Variants in GLYATL2 observed in about 807,000 individuals in gnomAD.
The protein encoded by GLYATL2 is glycine-N-acyltransferase like 2.
In GLYATL2, 25 loss-of-function variants were observed where a neutral mutation model predicts 21.4. The ratio of observed to expected loss-of-function variants is 1.17; its 90% CI spans 0.85 to 1.63. GLYATL2 has a LOEUF of 1.63. Ranked by LOEUF, GLYATL2 falls within the 40% of genes most tolerant of loss-of-function variation. GLYATL2 has a pLI of 0.00. For synonymous variants in GLYATL2, 114 were observed against 118.2 expected (o/e 0.96, Z 0.23); for missense variants, 361 against 343.3 (o/e 1.05, Z -0.41).
chr11:58,874,548 C>T (rs1854190291), intron 1 of GLYATL2, among the ~76,000 whole-genome samples: 1 of 152,104 alleles, frequency 6.6e-6, no homozygotes, highest in East Asian at 1.9e-4. Context: ...CGTTGTGTAC[C>T]CAGTAGTCAT....
intron 1 of GLYATL2, among the ~76,000 whole-genome samples, chr11:58,883,182 C>T (rs1001767692): frequency 1.4e-4 from 22 of 152,272 alleles, no homozygotes; most frequent in Middle Eastern, 3.4e-3. Context: ...TCTTTCTATC[C>T]ATGAGCATGG....
At chr11:58,864,817 T>C (rs966552858) in intron 1 of GLYATL2, among the ~76,000 whole-genome samples, 1 of 149,260 alleles carries the variant, frequency 6.7e-6, no homozygotes, top group South Asian at 2.1e-4. Flanking sequence ...CATTCTGACA[T>C]TTTGCTGATG....
chr11:58,871,497 T>C (rs1206895349), intron 1 of GLYATL2, among the ~76,000 whole-genome samples: 1 of 144,240 alleles, frequency 6.9e-6, no homozygotes, highest in African/African-American at 2.5e-5. Flanking sequence ...TGTGTTCTCA[T>C]TGTTCAATTC....
At chr11:58,845,606 A>G (rs955900541), upstream of GLYATL2, among the ~76,000 whole-genome samples, 53 of 152,038 alleles carry the variant, frequency 3.5e-4, no homozygotes, top group African/African-American at 1.3e-3. Context: ...TCTCTAATTA[A>G]AAAAAAATTC....
chr11:58,851,927 AT>A (rs1306298865), intron 1 of GLYATL2, among the ~76,000 whole-genome samples: 1 of 152,200 alleles, frequency 6.6e-6, no homozygotes, highest in Non-Finnish European at 1.5e-5. Context: ...AGATCCATAG[AT>A]TTGAGATAAT....
At chr11:58,888,649 CT>C (rs1188950315) in intron 1 of GLYATL2, among the ~76,000 whole-genome samples, 1 of 151,610 alleles carries the variant, frequency 6.6e-6, no homozygotes, top group East Asian at 1.9e-4. Flanking sequence ...TGTTTCTAGT[CT>C]TTTCTCATGC....
In GLYATL2 at chr11:58,839,556, CT is replaced by C; in HGVS notation, c.56del (p.Lys19ArgfsTer7). ...KLQILYKSLEKSIPESIKVYG... is the reference protein window; with the variant it reads ...KLQILYKSLEXSIPESIKVYG... ...TTACCTTTATGGATTCAGGGATGCT[CT>C]TTTCTAAGGATTTATACAGAATCTG... is the stretch of plus-strand genomic sequence containing the variant. On this transcript the variant is annotated frameshift_variant, in exon 2 of 6. Transcript: ENST00000287275. LOFTEE classifies it high-confidence loss of function. 2.5e-6 allele frequency: 4 copies of C among 1,611,246 alleles called. No individual in the cohort carries two copies. The highest frequency in any genetic ancestry group is 3.4e-6 in the Non-Finnish European group (4 of 1,178,038).
chr11:58,850,122 C>T (rs372176838), intron 1 of GLYATL2, among the ~76,000 whole-genome samples: 3 of 152,252 alleles, frequency 2.0e-5, no homozygotes, highest in Admixed American at 6.5e-5. Context: ...CATCAAAATA[C>T]TAGCAAACCC....
intron 1 of GLYATL2, among the ~76,000 whole-genome samples, chr11:58,869,092 G>C (rs1307168516): frequency 2.0e-5 from 3 of 152,096 alleles, no homozygotes; most frequent in Non-Finnish European, 4.4e-5. Flanking sequence ...CAGTTTAATT[G>C]AGCCCAACCA....
chr11:58,871,219 G>C (rs910362289), intron 1 of GLYATL2, among the ~76,000 whole-genome samples: 3 of 152,026 alleles, frequency 2.0e-5, no homozygotes, highest in Non-Finnish European at 4.4e-5. Context: ...AAAAGAGTTT[G>C]AGTAATAATA....
chr11:58,908,196 T>C (rs1854952996), upstream of GLYATL2: 1 of 152,190 alleles, frequency 6.6e-6, no homozygotes, highest in South Asian at 2.1e-4. Context: ...TCAGGGAAAC[T>C]GCCAGGTTCT....
At chr11:58,873,640 T>G (rs1022242970) in intron 1 of GLYATL2, among the ~76,000 whole-genome samples, 5 of 152,248 alleles carry the variant, frequency 3.3e-5, no homozygotes, top group African/African-American at 1.2e-4. Context: ...TGAAGCCCAC[T>G]TGATCATGGT....
intron 1 of GLYATL2, among the ~76,000 whole-genome samples, chr11:58,897,735 A>C (rs907977140): frequency 6.6e-6 from 1 of 152,252 alleles, no homozygotes; most frequent in Non-Finnish European, 1.5e-5. Context: ...ACTATTTATG[A>C]AACATATATC....
intron 1 of GLYATL2, among the ~76,000 whole-genome samples, chr11:58,875,940 G>C (rs1052312160): frequency 1.9e-4 from 29 of 152,104 alleles, no homozygotes; most frequent in African/African-American, 7.0e-4. Context: ...TTAGACGTAG[G>C]TTTGGTCTTT....
chr11:58,849,182 A>G (rs927573701), upstream of GLYATL2, among the ~76,000 whole-genome samples: 1 of 152,222 alleles, frequency 6.6e-6, no homozygotes, highest in Non-Finnish European at 1.5e-5. Flanking sequence ...AAGAAATGCT[A>G]AAGAAAGAAC....
intron 1 of GLYATL2, among the ~76,000 whole-genome samples, chr11:58,870,846 T>C (rs781506156): frequency 1.3e-5 from 2 of 152,214 alleles, no homozygotes; most frequent in East Asian, 3.8e-4. Flanking sequence ...CTGTCCTCTT[T>C]ACAAGCATCC....
chr11:58,883,959 A>G (rs1854390431), intron 1 of GLYATL2, among the ~76,000 whole-genome samples: 1 of 152,316 alleles, frequency 6.6e-6, no homozygotes, highest in South Asian at 2.1e-4. Flanking sequence ...ACAACCAAAG[A>G]CAAAAGCCAC....
intron 1 of GLYATL2, among the ~76,000 whole-genome samples, chr11:58,891,454 G>A (rs1348586630): frequency 6.6e-6 from 1 of 152,136 alleles, no homozygotes; most frequent in Non-Finnish European, 1.5e-5. Context: ...ATTTGAGTAG[G>A]CTGATATCCT....
chr11:58,894,476 C>A (rs868360016), intron 1 of GLYATL2, among the ~76,000 whole-genome samples: 40 of 116,514 alleles, frequency 3.4e-4, no homozygotes, highest in African/African-American at 7.7e-4. Flanking sequence ...GCAGCTATAG[C>A]AAAAAAAAAA....
Sources: allele counts gnomAD v4.1 joint callset (sites outside exome capture counted in the v4.1 genomes callset), GRCh38; gene constraint gnomAD v4.1.1; transcripts MANE v1.5; gene names NCBI Gene and HGNC (gene_info 2026-07-23, HGNC 2026-07-21).